SLC8B1: variants seen among roughly 807,000 people sequenced by gnomAD.
SLC8B1 encodes solute carrier family 8 member B1, also known as mitochondrial sodium/calcium exchanger protein.
A neutral mutation model predicts 63.4 loss-of-function variants in SLC8B1; 52 were observed. The observed-to-expected ratio is 0.82, with a 90% CI of 0.66 to 1.03. The LOEUF (loss-of-function observed/expected upper bound fraction) is 1.03, where lower values mean the gene tolerates loss of function less well. Among genes scored for constraint, SLC8B1 ranks in the 50% least tolerant of loss-of-function variants. SLC8B1 has a pLI of 0.00. For missense variants in SLC8B1, 657 were observed against 741.7 expected (o/e 0.89, Z 1.33); for synonymous variants, 336 against 323.9 (o/e 1.04, Z -0.40).
chr12:113,316,465 A>G, intron 10 of SLC8B1, 61 bp downstream of exon 10: 2 of 1,578,620 alleles, frequency 1.3e-6, no homozygotes, highest in Non-Finnish European at 1.7e-6. Flanking sequence ...TGGAGAGGGT[A>G]GCGTGGCCAC....
intron 8 of SLC8B1, among the ~76,000 whole-genome samples, chr12:113,317,591 A>G (rs1956850714): frequency 6.6e-6 from 1 of 152,082 alleles, no homozygotes; most frequent in African/African-American, 2.4e-5. Context: ...AACCCATACT[A>G]TTTTTCTCTT....
intron 10 of SLC8B1, among the ~76,000 whole-genome samples, chr12:113,315,965 C>T (rs1179359749): frequency 6.6e-6 from 1 of 152,218 alleles, no homozygotes; most frequent in Non-Finnish European, 1.5e-5. Flanking sequence ...TGGCTCACGC[C>T]TGTAATCCCA....
chr12:113,299,796 ATCAC>A lies in SLC8B1; in HGVS notation c.1732_1735del (p.Val578PhefsTer3). ...CTTCAGTCACATGCTTTTCAGGTGA[ATCAC>A]TCCAAATTCAGTGAGGAGGGCCACG... On this transcript the variant is annotated frameshift_variant, in exon 16 of 16. Transcript: ENST00000680972. LOFTEE classifies it high-confidence loss of function. 6.2e-7 allele frequency: 1 copy of A among 1,614,200 alleles called. No homozygotes were observed. The highest frequency in any genetic ancestry group is 8.5e-7 in the Non-Finnish European group (1 of 1,180,034).
At chr12:113,316,900 CCT>C (rs768990376) in intron 9 of SLC8B1, 40 bp downstream of exon 9, 1 of 1,603,206 alleles carries the variant, frequency 6.2e-7, no homozygotes, top group South Asian at 1.1e-5. Flanking sequence ...CCAGCCTTTC[CCT>C]GTTACCGCCA....
intron 10 of SLC8B1, 90 bp from the exon 11 acceptor site, chr12:113,315,566 C>T (rs1956824582): frequency 1.4e-6 from 2 of 1,409,256 alleles, no homozygotes; most frequent in African/African-American, 1.4e-5. Flanking sequence ...AAGAGCTCGG[C>T]CGTTCATTGC....
chr12:113,326,939 C>T (rs1050327439), intron 2 of SLC8B1, among the ~76,000 whole-genome samples: 1 of 152,198 alleles, frequency 6.6e-6, no homozygotes, highest in Non-Finnish European at 1.5e-5. Context: ...ACTATTCCCA[C>T]CAAAACATGC....
rs1420133689 is a variant in SLC8B1 at position 113,315,804 on chromosome 12, C to T, written c.994-328G>A. The stretch of plus-strand genomic sequence containing the variant: ...GGAGCCACCTGCCTTCCAGGCCCCA[C>T]ATCATTCCACCCTGTGCTCCTGTCG... On this transcript the variant is annotated intron_variant, in intron 10 of 15. Transcript: ENST00000680972. Among the ~76,000 whole-genome samples the T allele has an allele frequency of 2.0e-5, 3 of 152,236 alleles. No homozygotes were observed. The East Asian group carries it at 5.8e-4, about 29-fold the overall frequency.
chr12:113,314,123 G>A (rs1956801175), intron 11 of SLC8B1, among the ~76,000 whole-genome samples: 1 of 152,270 alleles, frequency 6.6e-6, no homozygotes, highest in Non-Finnish European at 1.5e-5. Flanking sequence ...GCTCCGTAGA[G>A]AATGGATGGA....
chr12:113,320,084 C>T lies in SLC8B1; in HGVS notation c.694+247G>A, dbSNP rs66481138. On this transcript the variant is annotated intron_variant, in intron 7 of 15. Transcript: ENST00000680972. This position sits in a 1 kb window ranked among gnomAD's most constrained non-coding sequence, Gnocchi z 5.3. Reference sequence around the variant, plus strand: ...CTGGGATGATAGGTGTGAGCCATCACGCTTGGCCAAAAAATTGTGACACTT... The same window carrying T: ...CTGGGATGATAGGTGTGAGCCATCATGCTTGGCCAAAAAATTGTGACACTT... 0.14 allele frequency: 70,528 copies of T among 495,294 alleles called. 6,881 individuals carry two copies. The highest frequency in any genetic ancestry group is 0.37 in the African/African-American group (18,934 of 51,752). 30.7% of individuals were successfully genotyped at this position (495,294 alleles called of 1,614,324 possible).
intron 15 of SLC8B1, among the ~76,000 whole-genome samples, chr12:113,301,917 T>C (rs1454834341): frequency 1.3e-5 from 2 of 152,000 alleles, no homozygotes; most frequent in Non-Finnish European, 2.9e-5. Flanking sequence ...GATGGATGAA[T>C]GATAAAGGAG....
In SLC8B1 at chr12:113,299,378, G is replaced by T. The variant is rs527568531; in HGVS notation, c.*399C>A. 1.3e-5 allele frequency: 3 copies of T among 237,176 alleles called. No individual in the cohort carries two copies. Among genetic ancestry groups the T allele is most frequent in the Admixed American group, 9.8e-5 (2 of 20,456 alleles). 14.7% of individuals were successfully genotyped at this position (237,176 alleles called of 1,614,324 possible). On this transcript the variant is annotated 3_prime_UTR_variant, in exon 16 of 16. Transcript: ENST00000680972. Reference sequence around the variant, plus strand: ...TTGTGTCCTGAGAAGGTGCCAGAAGGCCTGAAGCCCAGGCAAGGGGAACGG... The same window carrying T: ...TTGTGTCCTGAGAAGGTGCCAGAAGTCCTGAAGCCCAGGCAAGGGGAACGG...
rs1341261613 is a variant in SLC8B1 at position 113,315,187 on chromosome 12, T to C, written c.1135+148A>G. The C allele has an allele frequency of 4.0e-6, 3 of 757,330 alleles. No homozygotes were observed. In the African/African-American group the frequency reaches 5.3e-5, roughly 13 times the overall value. 46.9% of individuals were successfully genotyped at this position (757,330 alleles called of 1,614,324 possible). ...TGTAATCCCAGCTGCCCAGGGGGCT[T>C]AGATGGGATGATTGCTTGAACCCGA... On this transcript the variant is annotated intron_variant, in intron 11 of 15. Coordinates refer to ENST00000680972, the MANE Select transcript of SLC8B1 (RefSeq NM_001358345.2).
At chr12:113,310,178 GT>G in intron 12 of SLC8B1, 55 bp downstream of exon 12, 1 of 1,589,110 alleles carries the variant, frequency 6.3e-7, no homozygotes, top group Non-Finnish European at 8.6e-7. Flanking sequence ...CAGGACATCT[GT>G]GTGGGAGACA....
rs781730816 is a variant in SLC8B1, at chr12:113,321,342, T to G, written c.163A>C (p.Lys55Gln). 3.1e-6 allele frequency: 5 copies of G among 1,613,932 alleles called. No individual in the cohort carries two copies. The highest frequency in any genetic ancestry group is 1.1e-5 in the South Asian group (1 of 91,074). ...VNQTPVVDCR[K>Q]VCGLNVSDRC... ...TCAGAGACATTCAGGCCACACACCT[T>G]GCGGCACTGCAGGAAGACAGGGAGG... Residue 55 changes from lysine to glutamine, a missense_variant, in exon 3 of 16, where the codon AAG becomes CAG. By Grantham distance (53) the Lys-to-Gln change is moderately conservative. Coordinates refer to ENST00000680972, the MANE Select transcript of SLC8B1 (RefSeq NM_001358345.2).
chr12:113,307,934 G>A (rs1039991886), intron 12 of SLC8B1, 90 bp from the exon 13 acceptor site: 20 of 1,465,440 alleles, frequency 1.4e-5, no homozygotes, highest in African/African-American at 8.3e-5. Context: ...GATGATAACA[G>A]TATCTACCTC....
chr12:113,326,743 T>G (rs1957001496), intron 2 of SLC8B1, among the ~76,000 whole-genome samples: 1 of 151,532 alleles, frequency 6.6e-6, no homozygotes, highest in East Asian at 1.9e-4. Context: ...GAAGCATGAT[T>G]ATAGCTCACT....
chr12:113,316,921 G>A (rs1956843243), intron 9 of SLC8B1, 21 bp downstream of exon 9: 1 of 1,611,462 alleles, frequency 6.2e-7, no homozygotes, highest in Non-Finnish European at 8.5e-7. Flanking sequence ...CACCCTGGCT[G>A]GGCACAGGGC....
At position 113,299,908 on chromosome 12, in the gene SLC8B1, G is replaced by A. The variant is rs770491274; in HGVS notation, c.1624C>T (p.Leu542=). Residue 542 remains leucine, a synonymous_variant, in exon 16 of 16, where the codon CTG becomes TTG. Coordinates refer to ENST00000680972, the MANE Select transcript of SLC8B1 (RefSeq NM_001358345.2). ...GALGLSLVFS[L]VSVPLQCFQL... is the part of the protein sequence containing the mutation. Reference sequence around the variant, plus strand: ...AAGCACTGCAATGGGACTGAGACCAGGGAGAAGACGAGGCTGAGCCCCAGG... The same window carrying A: ...AAGCACTGCAATGGGACTGAGACCAAGGAGAAGACGAGGCTGAGCCCCAGG... The A allele has an allele frequency of 1.2e-6, 2 of 1,614,108 alleles. No individual in the cohort carries two copies. The highest frequency in any genetic ancestry group is 2.2e-5 in the East Asian group (1 of 44,900).
chr12:113,303,009 GCA>G (rs369621637), intron 15 of SLC8B1, among the ~76,000 whole-genome samples: 8 of 148,406 alleles, frequency 5.4e-5, no homozygotes, highest in Admixed American at 1.3e-4. Context: ...AGACACACGC[GCA>G]CACACACACA....
Sources: gnomAD v4.1 joint callset for allele counts (sites outside exome capture counted in the v4.1 genomes callset) on GRCh38, gnomAD v4.1.1 for gene constraint, Gnocchi (gnomAD v3.1) non-coding constraint, MANE v1.5 for transcripts, NCBI Gene and HGNC (gene_info 2026-07-23, HGNC 2026-07-21) for gene names.